POLRMT: variants seen among roughly 807,000 people sequenced by gnomAD.
POLRMT encodes DNA-directed RNA polymerase, mitochondrial.
POLRMT carries 114 observed loss-of-function variants against 132.2 expected under a neutral mutation model. That is an observed-to-expected ratio of 0.86 (90% confidence interval 0.74 to 1.01). The LOEUF (loss-of-function observed/expected upper bound fraction) is 1.01, where lower values mean the gene tolerates loss of function less well. Among genes scored for constraint, POLRMT ranks in the 50% least tolerant of loss-of-function variants. The pLI is 0.00. For missense variants in POLRMT, 2,003 were observed against 1,729.1 expected (o/e 1.16, Z -2.81); for synonymous variants, 1,020 against 773.4 (o/e 1.32, Z -5.29).
chr19:619,142 G>A (rs377080262), intron 14 of POLRMT, 32 bp from the exon 15 acceptor site: 103 of 1,609,940 alleles, frequency 6.4e-5, no homozygotes, highest in African/African-American at 1.9e-4. Flanking sequence ...AGGGCAGGGG[G>A]CTCAGGCCGG....
rs752993605 is a variant in POLRMT, at chr19:621,165, G to A, written c.2533C>T (p.Leu845=). The change falls in exon 10 of 21, where the codon CTG becomes TTG. Residue 845 remains leucine, a synonymous_variant. Coordinates refer to ENST00000588649, the MANE Select transcript of POLRMT (RefSeq NM_005035.4). The part of the protein sequence containing the change: ...PHGLDWLKIH[L]VNLTGLKKRE... ...TTCTTCAACCCCGTGAGATTGACCA[G>A]GTGGATCTTGAGCCAATCCAGGCCG... The A allele has an allele frequency of 2.9e-5, 46 of 1,610,804 alleles. No homozygotes were observed. Among genetic ancestry groups the A allele is most frequent in the African/African-American group, 8.0e-5 (6 of 74,788 alleles).
intron 17 of POLRMT, chr19:618,081 ACG>A: frequency 1.8e-6 from 1 of 546,800 alleles, no homozygotes; most frequent in Non-Finnish European, 3.2e-6. Context: ...GCCGCCCCCC[ACG>A]CTGCTGTGGG....
intron 3 of POLRMT, among the ~76,000 whole-genome samples, chr19:628,762 C>T (rs1023404523): frequency 1.3e-5 from 2 of 152,066 alleles, no homozygotes; most frequent in Non-Finnish European, 1.5e-5. Flanking sequence ...CTCAGCTCCT[C>T]GGGAGGCTCA....
chr19:619,351 T>C, intron 13 of POLRMT, 55 bp from the exon 14 acceptor site: 9 of 1,554,996 alleles, frequency 5.8e-6, no homozygotes, highest in Middle Eastern at 2.3e-4. Flanking sequence ...GTTCACGCCC[T>C]ACTCCCCCCT....
chr19:631,738 T>C (rs1289159446), intron 2 of POLRMT, among the ~76,000 whole-genome samples: 1 of 151,954 alleles, frequency 6.6e-6, no homozygotes, highest in Non-Finnish European at 1.5e-5. Context: ...GTTGAGAGCT[T>C]TGTTTTGTTT....
At chr19:627,920 A>G (rs1985137085) in intron 3 of POLRMT, among the ~76,000 whole-genome samples, 1 of 113,508 alleles carries the variant, frequency 8.8e-6, no homozygotes, top group Non-Finnish European at 1.9e-5. Flanking sequence ...CAGAGAGTCT[A>G]TCTCAAAAAA....
chr19:632,319 C>A (rs1347951045), intron 2 of POLRMT, among the ~76,000 whole-genome samples: 1 of 152,216 alleles, frequency 6.6e-6, no homozygotes, highest in South Asian at 2.1e-4. Flanking sequence ...ACAGAAGCAC[C>A]GGCGGGAAGC....
chr19:630,344 A>T lies in POLRMT; in HGVS notation c.194-176T>A, dbSNP rs1985327077. ...AAGGTCTGCCCGCTGCTTTCCAGAC[A>T]CACGCACCCCACCACCTCCGCACCT... On this transcript the variant is annotated intron_variant, in intron 2 of 20. Transcript: ENST00000588649. Among the ~76,000 whole-genome samples the T allele has an allele frequency of 2.0e-5, 3 of 152,012 alleles. No individual in the cohort carries two copies. The South Asian group carries it at 6.2e-4, about 32-fold the overall frequency.
chr19:621,880 G>A lies in POLRMT; in HGVS notation c.1852-34C>T, dbSNP rs746186802. The A allele has an allele frequency of 8.1e-6, 13 of 1,596,102 alleles. No individual in the cohort carries two copies. The Admixed American group carries it at 1.0e-4, about 12-fold the overall frequency. ...CGACAGGCAGACGGGTCAGGGCCCCGGTGCTGGGGCTTTCCTGTTCCCACC... is the reference window on the plus strand; with the variant it reads ...CGACAGGCAGACGGGTCAGGGCCCCAGTGCTGGGGCTTTCCTGTTCCCACC... On this transcript the variant is annotated intron_variant, in intron 9 of 20. Coordinates refer to ENST00000588649, the MANE Select transcript of POLRMT (RefSeq NM_005035.4).
In POLRMT at chr19:623,438, C is replaced by A. The variant is rs1353129723; in HGVS notation, c.1290+16G>T. ...CAGCCCCTGCGGCGGACACGGGACCCCGGCTCAGCCCCTACCGCGTGCTTG... is the reference window on the plus strand; with the variant it reads ...CAGCCCCTGCGGCGGACACGGGACCACGGCTCAGCCCCTACCGCGTGCTTG... On this transcript the variant is annotated intron_variant, in intron 6 of 20. Coordinates refer to ENST00000588649, the MANE Select transcript of POLRMT (RefSeq NM_005035.4). 1 of 1,609,606 alleles carries A rather than the reference C, an allele frequency of 6.2e-7. No individual in the cohort carries two copies. Among genetic ancestry groups the A allele is most frequent in the African/African-American group, 1.3e-5 (1 of 74,840 alleles).
In POLRMT at chr19:622,978, G is replaced by A. The variant is rs144435085; in HGVS notation, c.1298C>T (p.Thr433Ile). ...PSKEVKHARK[T>I]LKTLRDQWEK... ...CCATTGGTCCCGCAGGGTCTTCAGG[G>A]TCTTCCGCTGCGGGGGATGAACGGG... The change falls in exon 7 of 21, where the codon ACC becomes ATC. Residue 433 changes from threonine (T) to isoleucine (I), a missense_variant. Coordinates refer to ENST00000588649, the MANE Select transcript of POLRMT (RefSeq NM_005035.4). The A allele has an allele frequency of 5.6e-6, 9 of 1,612,368 alleles. No homozygotes were observed. The African/African-American group carries it at 1.2e-4, about 22-fold the overall frequency.
rs755563703 is a variant in POLRMT, at chr19:621,406, G to C, written c.2292C>G (p.His764Gln). The C allele has an allele frequency of 3.3e-6, 5 of 1,520,012 alleles. No homozygotes were observed. In the South Asian group the frequency reaches 6.0e-5, roughly 18 times the overall value. 94.2% of individuals were successfully genotyped at this position (1,520,012 alleles called of 1,614,324 possible). A position where few individuals can be genotyped will look rare whatever the true frequency, so the allele number is the denominator to read the frequency against. Residue 764 changes from histidine to glutamine, a missense_variant, in exon 10 of 21, where the codon CAC (histidine) becomes CAG (glutamine). His to Gln is a conservative substitution (Grantham distance 24). Coordinates refer to ENST00000588649, the MANE Select transcript of POLRMT (RefSeq NM_005035.4). The stretch of plus-strand genomic sequence containing the variant: ...GCATCTCCCGGGCCACCTTCTGGCA[G>C]TGCGCCAGCTCACGGCGCAGCTCGG... ...RKAELRRELA[H>Q]CQKVAREMHS...
chr19:622,621 G>A lies in POLRMT; in HGVS notation c.1587C>T (p.His529=), dbSNP rs148136450. The A allele has an allele frequency of 5.0e-5, 80 of 1,607,672 alleles. No individual in the cohort carries two copies. In the African/African-American group the frequency reaches 9.9e-4, roughly 20 times the overall value. ...VSGQVQALQN[H]YRKYLCLLAS... The stretch of plus-strand genomic sequence containing the variant: ...CCAGCAAGCAGAGGTACTTCCTGTA[G>A]TGGTTCTGCAGCGCCTGCACCTGGC... Residue 529 remains histidine (H), a synonymous_variant, in exon 8 of 21, where the codon CAC becomes CAT. Transcript: ENST00000588649.
At chr19:633,016 C>A (rs904626562) in intron 1 of POLRMT, 78 bp from the exon 2 acceptor site, 12 of 1,045,396 alleles carry the variant, frequency 1.1e-5, no homozygotes, top group South Asian at 1.7e-5. Flanking sequence ...GCCGAAGGGT[C>A]GAAGGGCAAA....
rs61746452 is a variant in POLRMT at position 622,326 on chromosome 19, C to G, written c.1674G>C (p.Ala558=). The change falls in exon 9 of 21, where the codon GCG becomes GCC. Residue 558 remains alanine, a synonymous_variant. Coordinates refer to ENST00000588649, the MANE Select transcript of POLRMT (RefSeq NM_005035.4). ...LPRQYWEELG[A]PEALREQPWP... ...AGGGCTGCTCCCGCAGGGCCTCGGGCGCCCCCAGCTCCTCCCAGTACTGCC... is the reference window on the plus strand; with the variant it reads ...AGGGCTGCTCCCGCAGGGCCTCGGGGGCCCCCAGCTCCTCCCAGTACTGCC... 5,021 of 1,561,788 alleles carry G rather than the reference C, an allele frequency of 3.2e-3. 19 individuals carry two copies. Among genetic ancestry groups the G allele is most frequent in the Middle Eastern group, 5.0e-3 (27 of 5,360 alleles).
intron 20 of POLRMT, 26 bp from the exon 21 acceptor site, chr19:617,349 G>C: frequency 6.2e-7 from 1 of 1,612,698 alleles, no homozygotes; most frequent in Non-Finnish European, 8.5e-7. Flanking sequence ...AGCGGACGGC[G>C]TGGGTGGCGG....
At chr19:618,273 C>G in intron 17 of POLRMT, 1 of 569,932 alleles carries the variant, frequency 1.8e-6, no homozygotes, top group Non-Finnish European at 3.1e-6. Flanking sequence ...CGCCCATGCT[C>G]GGCTCTCCCT....
At position 622,606 on chromosome 19, in the gene POLRMT, G is replaced by C. The variant is rs763263408; in HGVS notation, c.1602C>G (p.Leu534=). The C allele has an allele frequency of 2.4e-5, 39 of 1,605,612 alleles. 3 individuals are homozygous for C. In the South Asian group the frequency reaches 4.3e-4, roughly 18 times the overall value. ...CCTCGGCGTCGGAGGCCAGCAAGCA[G>C]AGGTACTTCCTGTAGTGGTTCTGCA... The part of the protein sequence containing the change: ...QALQNHYRKY[L]CLLASDAEVP... The change falls in exon 8 of 21, where the codon CTC becomes CTG. Residue 534 remains leucine (L), a synonymous_variant. Coordinates refer to ENST00000588649, the MANE Select transcript of POLRMT (RefSeq NM_005035.4).
chr19:633,186 C>T, intron 1 of POLRMT: 1 of 599,418 alleles, frequency 1.7e-6, no homozygotes. Context: ...GGTTAAGAGC[C>T]CTAAACACCA....
Sources: gnomAD v4.1 joint callset for allele counts (sites outside exome capture counted in the v4.1 genomes callset) on GRCh38, gnomAD v4.1.1 for gene constraint, MANE v1.5 for transcripts, NCBI Gene and HGNC (gene_info 2026-07-23, HGNC 2026-07-21) for gene names.